The following SPTBN4 variants were observed in gnomAD, a reference collection of about 807,000 sequenced individuals.
SPTBN4 encodes spectrin beta, non-erythrocytic 4, also known as spectrin beta chain, non-erythrocytic 4.
Under a neutral mutation model 277.8 loss-of-function variants are expected in SPTBN4, and 96 were observed. The observed-to-expected ratio is 0.35, with a 90% CI of 0.29 to 0.41. The LOEUF (loss-of-function observed/expected upper bound fraction) is 0.41, where lower values mean the gene tolerates loss of function less well. SPTBN4 is among the 10% of genes least tolerant of loss of function. The pLI is 1.00. For synonymous variants in SPTBN4, 1,481 were observed against 1,580.3 expected, an observed-to-expected ratio of 0.94 and a Z score of 1.49; for missense variants, 3,006 against 3,595.7, an observed-to-expected ratio of 0.84 and a Z score of 4.19.
chr19:40,469,563 G>A (rs1022955198), intron 1 of SPTBN4, among the ~76,000 whole-genome samples: 7 of 151,486 alleles, frequency 4.6e-5, no homozygotes, highest in East Asian at 3.9e-4. Context: ...ACGCCCAGCC[G>A]TTAGTCTTAG....
intron 13 of SPTBN4, among the ~76,000 whole-genome samples, chr19:40,509,386 T>C (rs1471395001): frequency 1.3e-5 from 2 of 152,022 alleles, no homozygotes; most frequent in African/African-American, 2.4e-5. Context: ...GCTGGGATTA[T>C]AGGCATGCGC....
At position 40,501,930 on chromosome 19, in the gene SPTBN4, T is replaced by C. The variant is rs1201097706; in HGVS notation, c.794T>C (p.Met265Thr). 6.2e-7 allele frequency: 1 copy of C among 1,614,160 alleles called. No homozygotes were observed. Among genetic ancestry groups the C allele is most frequent in the Non-Finnish European group, 8.5e-7 (1 of 1,179,986 alleles). ...TCCCTCTTGCTTCCAGATGTGAACA[T>C]GGAGGCTCCAGATGAGAAGTCCATC... ...ARLLDPEDVN[M>T]EAPDEKSIIT... Residue 265 changes from methionine (M) to threonine (T), a missense_variant, in exon 8 of 36, where the codon ATG becomes ACG. Physicochemically the swap from Met to Thr is moderately conservative, Grantham distance 81 (BLOSUM62 -1). Around this residue, in one of 5 missense-constraint regions of SPTBN4, gnomAD observed 1,759 missense variants for 2,061.5 expected, o/e 0.85. Coordinates refer to ENST00000598249, the MANE Select transcript of SPTBN4 (RefSeq NM_020971.3).
At chr19:40,467,515 C>G (rs993712726) in intron 1 of SPTBN4, among the ~76,000 whole-genome samples, 7 of 152,040 alleles carry the variant, frequency 4.6e-5, no homozygotes, top group Non-Finnish European at 1.0e-4. Context: ...CTTGTCCTTC[C>G]CAGGCCCCCT....
intron 4 of SPTBN4, among the ~76,000 whole-genome samples, chr19:40,491,713 CAAA>C (rs35237688): frequency 2.6e-5 from 1 of 38,800 alleles, no homozygotes; most frequent in African/African-American, 1.3e-4. Context: ...GACTCTGTCT[CAAA>C]AAAAAAAAAA....
Position 40,513,248 on chromosome 19 carries a change from G to C in SPTBN4, c.2459G>C (p.Gly820Ala). ...GCGCGCCAGCACCGCGCGCTCACCG[G>C]GGAGGTGGAGGCACATCGCGGGCCC... ...RLARQHRALT[G>A]EVEAHRGPVS... Residue 820 changes from glycine (G) to alanine (A), a missense_variant, in exon 14 of 36, where the codon GGG becomes GCG. By Grantham distance (60) the Gly-to-Ala change is moderately conservative (BLOSUM62 0). This residue lies in a region of SPTBN4 where 1,759 missense variants were observed against 2,061.5 expected (regional missense o/e 0.85). Coordinates refer to ENST00000598249, the MANE Select transcript of SPTBN4 (RefSeq NM_020971.3). 6.6e-7 allele frequency: 1 copy of C among 1,521,652 alleles called. No homozygotes were observed. Among genetic ancestry groups the C allele is most frequent in the African/African-American group, 1.4e-5 (1 of 71,278 alleles). 94.3% of individuals were successfully genotyped at this position (1,521,652 alleles called of 1,614,324 possible).
At position 40,554,939 on chromosome 19, in the gene SPTBN4, A is replaced by G. The variant is rs148669098; in HGVS notation, c.5084+293A>G. 2.3e-3 allele frequency: 843 copies of G among 362,810 alleles called. 9 individuals are homozygous for G. Among genetic ancestry groups the G allele is most frequent in the African/African-American group, 0.017 (787 of 46,510 alleles). The allele number at this position is 362,810 out of a possible 1,614,324, so 22.5% of individuals were successfully genotyped here. A position where few individuals can be genotyped will look rare whatever the true frequency, so the allele number is the denominator to read the frequency against. On this transcript the variant is annotated intron_variant, in intron 24 of 35. Coordinates refer to ENST00000598249, the MANE Select transcript of SPTBN4 (RefSeq NM_020971.3). This position sits in a 1 kb window ranked among gnomAD's most constrained non-coding sequence, Gnocchi z 5.7. ...TGGGGTAGAGAAGAATTTACTCAGG[A>G]CAGGCAAGGGGCTCTTTCTACTCAG...
At chr19:40,506,657 G>A (rs2080334005) in intron 13 of SPTBN4, among the ~76,000 whole-genome samples, 2 of 152,148 alleles carry the variant, frequency 1.3e-5, no homozygotes, top group African/African-American at 4.8e-5. Context: ...GCCCTTCACA[G>A]ATTGATCTCA....
chr19:40,504,951 CAG>C (rs890746091), intron 12 of SPTBN4, among the ~76,000 whole-genome samples: 7 of 151,762 alleles, frequency 4.6e-5, no homozygotes, highest in Admixed American at 1.3e-4. Context: ...GAGAGGAAAT[CAG>C]AGAGACAGAG....
chr19:40,544,369 C>G (rs1307348802), intron 20 of SPTBN4, among the ~76,000 whole-genome samples: 1 of 147,870 alleles, frequency 6.8e-6, no homozygotes, highest in African/African-American at 2.5e-5. Context: ...GTGTCTATCT[C>G]TTGACCTCGT....
At chr19:40,499,641 C>T (rs117431797) in intron 7 of SPTBN4, among the ~76,000 whole-genome samples, 2,917 of 151,918 alleles carry the variant, frequency 0.019, 45 homozygotes, top group Non-Finnish European at 0.03. Context: ...AAGCGATCCT[C>T]CCACCTTGGC....
chr19:40,569,283 G>A (rs1041625428), intron 31 of SPTBN4, among the ~76,000 whole-genome samples: 1 of 151,960 alleles, frequency 6.6e-6, no homozygotes, highest in Admixed American at 6.6e-5. Context: ...AAAATTAGCC[G>A]GCATGGTGGC....
At chr19:40,495,555 G>A (rs1241249808) in intron 6 of SPTBN4, among the ~76,000 whole-genome samples, 1 of 152,132 alleles carries the variant, frequency 6.6e-6, no homozygotes, top group Non-Finnish European at 1.5e-5. Flanking sequence ...GGCTGAGGCA[G>A]GAGAATCGCT....
intron 13 of SPTBN4, among the ~76,000 whole-genome samples, chr19:40,507,168 A>G (rs2080339881): frequency 6.6e-6 from 1 of 151,362 alleles, no homozygotes; most frequent in Non-Finnish European, 1.5e-5. Flanking sequence ...ACAAAAAATT[A>G]GGTAGGCATG....
intron 1 of SPTBN4, among the ~76,000 whole-genome samples, chr19:40,470,432 G>A (rs189084284): frequency 2.0e-5 from 3 of 152,260 alleles, no homozygotes; most frequent in Admixed American, 1.3e-4. Flanking sequence ...TCAGCCTCCT[G>A]AGTAGCTGGG....
At chr19:40,570,052 C>G (rs763962924) in intron 32 of SPTBN4, among the ~76,000 whole-genome samples, 4 of 151,204 alleles carry the variant, frequency 2.6e-5, no homozygotes, top group Non-Finnish European at 4.4e-5. Context: ...AGACTCTTCC[C>G]ACATCTGTCC....
chr19:40,561,409 C>G (rs1203275686), intron 27 of SPTBN4, among the ~76,000 whole-genome samples: 1 of 152,224 alleles, frequency 6.6e-6, no homozygotes, highest in Non-Finnish European at 1.5e-5. Context: ...GATCCTGCAG[C>G]CTGCATTCAT....
intron 30 of SPTBN4, 68 bp from the exon 31 acceptor site, chr19:40,567,595 C>G (rs1486741333): frequency 1.5e-6 from 2 of 1,376,664 alleles, no homozygotes; most frequent in African/African-American, 3.1e-5. Context: ...AGGCCGCCTC[C>G]CCGGACCTCC....
rs2080123911 is a variant in SPTBN4, at chr19:40,490,367, C to A, written c.495+119C>A. ...ATCCTAATATGCTGGAATCCTATTC[C>A]AGGTGTTAGGGATGAAAATAATGAT... On this transcript the variant is annotated intron_variant, in intron 4 of 35. Transcript: ENST00000598249. The surrounding 1 kb of genome is among the most constrained non-coding windows in gnomAD (Gnocchi z 4.3). 3 of 1,235,240 alleles carry A rather than the reference C, an allele frequency of 2.4e-6. No homozygotes were observed. The highest frequency in any genetic ancestry group is 5.9e-5 in the Admixed American group (2 of 33,784). 76.5% of individuals were successfully genotyped at this position (1,235,240 alleles called of 1,614,324 possible).
At position 40,558,911 on chromosome 19, in the gene SPTBN4, AATTATTATTATTATT is replaced by A. The variant is rs371965577; in HGVS notation, c.5671-1224_5671-1210del. On this transcript the variant is annotated intron_variant, in intron 26 of 35. Coordinates refer to ENST00000598249, the MANE Select transcript of SPTBN4 (RefSeq NM_020971.3). ...GCATGAGCTACTATGCCCAGCTGGC[AATTATTATTATTATT>A]ATTATTATTATTATTATTATTATGA... 8.7e-5 allele frequency among the ~76,000 whole-genome samples: 11 copies of A among 125,946 alleles called. 1 individual carries two copies. The highest frequency in any genetic ancestry group is 6.7e-4 in the Admixed American group (8 of 11,914). The allele number at this position is 125,946 out of a possible 152,430, so 82.6% of individuals were successfully genotyped here. A position where few individuals can be genotyped will look rare whatever the true frequency, so the allele number is the denominator to read the frequency against.
Sources: allele counts gnomAD v4.1 joint callset (sites outside exome capture counted in the v4.1 genomes callset), GRCh38; gene constraint gnomAD v4.1.1; regional missense constraint gnomAD v4.1.1; non-coding constraint Gnocchi (gnomAD v3.1); transcripts MANE v1.5; gene names NCBI Gene and HGNC (gene_info 2026-07-23, HGNC 2026-07-21).